The following NXPE4 variants were observed in gnomAD, a reference collection of about 807,000 sequenced individuals.
The protein encoded by NXPE4 is neurexophilin and PC-esterase domain family member 4.
NXPE4 carries 42 observed loss-of-function variants against 33.3 expected under a neutral mutation model. The observed-to-expected ratio is 1.26, with a 90% CI of 0.98 to 1.63. NXPE4 has a LOEUF of 1.63. Ranked by LOEUF, NXPE4 falls within the 40% of genes most tolerant of loss-of-function variation. The pLI, the probability that NXPE4 is intolerant of heterozygous loss-of-function variation, is 0.00. For missense variants in NXPE4, 709 were observed against 647.6 expected (o/e 1.09, Z -1.03); for synonymous variants, 253 against 234.9 (o/e 1.08, Z -0.71).
At chr11:114,616,755 G>C in the NXPE4 span, among the ~76,000 whole-genome samples, 27,289 of 151,616 alleles carry the variant, frequency 0.18, 3,048 homozygotes, top group African/African-American at 0.26. Flanking sequence ...CGGTTAACCG[G>C]TGGATAATAA....
chr11:114,614,151 C>T, the NXPE4 span, among the ~76,000 whole-genome samples: 18 of 149,754 alleles, frequency 1.2e-4, no homozygotes, highest in African/African-American at 4.2e-4. Flanking sequence ...AGTGCTGCCT[C>T]ATGGGTACCA....
the NXPE4 span, among the ~76,000 whole-genome samples, chr11:114,671,836 T>C: frequency 6.6e-6 from 1 of 151,948 alleles, no homozygotes; most frequent in Admixed American, 6.6e-5. Context: ...GGACAGTAAT[T>C]TGAATACACA....
At chr11:114,669,503 T>C in the NXPE4 span, among the ~76,000 whole-genome samples, 1 of 152,052 alleles carries the variant, frequency 6.6e-6, no homozygotes, top group African/African-American at 2.4e-5. Flanking sequence ...CAAGAATGGC[T>C]TAGAAGTCCT....
the NXPE4 span, among the ~76,000 whole-genome samples, chr11:114,620,405 GATA>G: frequency 6.6e-6 from 1 of 152,054 alleles, no homozygotes; most frequent in Non-Finnish European, 1.5e-5. Context: ...TTACCCATTG[GATA>G]ATAAGTGTTG....
chr11:114,646,207 T>C, the NXPE4 span, among the ~76,000 whole-genome samples: 7 of 152,024 alleles, frequency 4.6e-5, no homozygotes, highest in African/African-American at 1.7e-4. Flanking sequence ...CTCTGTTAAG[T>C]GTAATCACTG....
the NXPE4 span, among the ~76,000 whole-genome samples, chr11:114,630,958 T>G: frequency 2.7e-5 from 4 of 150,666 alleles, no homozygotes; most frequent in African/African-American, 9.7e-5. Context: ...GAAATGCAAA[T>G]CAAAACCACA....
At chr11:114,676,967 T>A in the NXPE4 span, among the ~76,000 whole-genome samples, 70 of 152,160 alleles carry the variant, frequency 4.6e-4, no homozygotes, top group African/African-American at 1.5e-3. Context: ...TGCAACAACA[T>A]GGGTGAACCT....
chr11:114,656,186 C>T, the NXPE4 span, among the ~76,000 whole-genome samples: 1 of 151,434 alleles, frequency 6.6e-6, no homozygotes, highest in African/African-American at 2.4e-5. Context: ...ACAATTACTA[C>T]AAAGAGAATA....
At chr11:114,608,983 A>G in the NXPE4 span, among the ~76,000 whole-genome samples, 1 of 150,918 alleles carries the variant, frequency 6.6e-6, no homozygotes, top group Non-Finnish European at 1.5e-5. Context: ...CTCGTGGGTA[A>G]CCACTGTTGC....
At chr11:114,630,799 T>C in the NXPE4 span, among the ~76,000 whole-genome samples, 1 of 151,730 alleles carries the variant, frequency 6.6e-6, no homozygotes, top group African/African-American at 2.4e-5. Flanking sequence ...ATATCCAGAA[T>C]CTACAATGAA....
chr11:114,632,712 A>T, the NXPE4 span, among the ~76,000 whole-genome samples: 4 of 74,468 alleles, frequency 5.4e-5, no homozygotes, highest in Non-Finnish European at 6.8e-5. Flanking sequence ...ATAATATAAT[A>T]TAATATATAT....
At chr11:114,597,899 C>T (rs1398306670), upstream of NXPE4, among the ~76,000 whole-genome samples, 1 of 152,050 alleles carries the variant, frequency 6.6e-6, no homozygotes, top group East Asian at 1.9e-4. Flanking sequence ...TCTCACATTT[C>T]AAAATACAAT....
chr11:114,598,245 A>T (rs1398262697), upstream of NXPE4, among the ~76,000 whole-genome samples: 1 of 47,576 alleles, frequency 2.1e-5, no homozygotes, highest in Non-Finnish European at 4.5e-5. Flanking sequence ...ACACTAACGC[A>T]AGGGGTGGGC....
the NXPE4 span, among the ~76,000 whole-genome samples, chr11:114,602,479 T>C: frequency 3.1e-4 from 42 of 136,334 alleles, no homozygotes; most frequent in Non-Finnish European, 5.2e-4. Context: ...TTATAGATTA[T>C]ATATAACATA....
the NXPE4 span, among the ~76,000 whole-genome samples, chr11:114,650,097 A>G: frequency 6.6e-6 from 1 of 152,228 alleles, no homozygotes; most frequent in South Asian, 2.1e-4. Flanking sequence ...GGTAATATAC[A>G]AAAGTGTAAC....
At chr11:114,617,515 A>T in the NXPE4 span, among the ~76,000 whole-genome samples, 5 of 152,120 alleles carry the variant, frequency 3.3e-5, no homozygotes, top group African/African-American at 1.2e-4. Context: ...ACCGGTGGAT[A>T]ATACGTGTTG....
chr11:114,617,593 G>C, the NXPE4 span, among the ~76,000 whole-genome samples: 4 of 151,942 alleles, frequency 2.6e-5, no homozygotes, highest in Non-Finnish European at 4.4e-5. Flanking sequence ...GTGTTACCCG[G>C]TGCATAATAA....
chr11:114,610,085 A>G, the NXPE4 span, among the ~76,000 whole-genome samples: 2 of 150,762 alleles, frequency 1.3e-5, no homozygotes, highest in African/African-American at 4.9e-5. Context: ...ACCACTGTTA[A>G]CTGGTGAATA....
the NXPE4 span, among the ~76,000 whole-genome samples, chr11:114,619,404 G>T: frequency 7.4e-6 from 1 of 134,674 alleles, no homozygotes; most frequent in Non-Finnish European, 1.6e-5. Context: ...ACCCAGTGGA[G>T]GATAAGTGTT....
Sources: allele counts gnomAD v4.1 joint callset (sites outside exome capture counted in the v4.1 genomes callset), GRCh38; gene constraint gnomAD v4.1.1; transcripts MANE v1.5; gene names NCBI Gene and HGNC (gene_info 2026-07-23, HGNC 2026-07-21).